The following HS3ST4 variants were observed in gnomAD, a reference collection of about 807,000 sequenced individuals.
HS3ST4 encodes heparan sulfate-glucosamine 3-sulfotransferase 4, also known as heparan sulfate glucosamine 3-O-sulfotransferase 4.
Under a neutral mutation model 29.2 loss-of-function variants are expected in HS3ST4, and 17 were observed. The ratio of observed to expected loss-of-function variants is 0.58; its 90% CI spans 0.40 to 0.87. HS3ST4 has a LOEUF of 0.87. Ranked by LOEUF, HS3ST4 falls within the 40% of genes least tolerant of loss-of-function variation. The pLI is 0.00. For synonymous variants in HS3ST4, 314 were observed against 285.7 expected (o/e 1.10, Z -1.00); for missense variants, 627 against 634.5 (o/e 0.99, Z 0.13).
intron 1 of HS3ST4, among the ~76,000 whole-genome samples, chr16:26,100,982 G>A (rs2141796570): frequency 6.6e-6 from 1 of 152,304 alleles, no homozygotes; most frequent in South Asian, 2.1e-4. Context: ...GTCTTCCCCA[G>A]CTCAGAAAAG....
At chr16:25,988,430 G>GC (rs1969083409) in intron 1 of HS3ST4, among the ~76,000 whole-genome samples, 2 of 152,186 alleles carry the variant, frequency 1.3e-5, no homozygotes, top group Admixed American at 1.3e-4. Context: ...CTTATTCTGA[G>GC]CCAGAGGCTT....
rs1471165992 is a variant in HS3ST4 at position 26,042,788 on chromosome 16, A to G, written c.735-92824A>G. ...TCTCCTTTTTACATTCCATTTTCACAATTTTCCTCAGGAATGACTCTTCTC... is the reference window on the plus strand; with the variant it reads ...TCTCCTTTTTACATTCCATTTTCACGATTTTCCTCAGGAATGACTCTTCTC... On this transcript the variant is annotated intron_variant, in intron 1 of 1. Transcript: ENST00000331351. Among the ~76,000 whole-genome samples the G allele has an allele frequency of 2.6e-5, 4 of 152,004 alleles. No homozygotes were observed. The East Asian group carries it at 5.8e-4, about 22-fold the overall frequency.
chr16:25,788,033 AACTT>A (rs2141618217), intron 1 of HS3ST4, among the ~76,000 whole-genome samples: 1 of 152,314 alleles, frequency 6.6e-6, no homozygotes, highest in South Asian at 2.1e-4. Context: ...ACAAAATCCC[AACTT>A]ACCACCTCAA....
intron 1 of HS3ST4, among the ~76,000 whole-genome samples, chr16:26,078,093 T>A (rs1898684562): frequency 6.6e-6 from 1 of 152,150 alleles, no homozygotes; most frequent in Admixed American, 6.5e-5. Flanking sequence ...ATGAACAGTG[T>A]CTGTGTCACT....
chr16:25,965,659 A>G (rs1263048815), intron 1 of HS3ST4, among the ~76,000 whole-genome samples: 1 of 152,196 alleles, frequency 6.6e-6, no homozygotes, highest in Non-Finnish European at 1.5e-5. Context: ...GTGTCTTCAC[A>G]CATCTTATGA....
intron 1 of HS3ST4, among the ~76,000 whole-genome samples, chr16:25,959,908 G>A (rs1968777677): frequency 6.6e-6 from 1 of 152,158 alleles, no homozygotes; most frequent in Non-Finnish European, 1.5e-5. Context: ...GCCGAGGTGT[G>A]TGGATCACCT....
At chr16:26,063,528 AAG>A (rs1898505937) in intron 1 of HS3ST4, among the ~76,000 whole-genome samples, 1 of 151,718 alleles carries the variant, frequency 6.6e-6, no homozygotes, top group African/African-American at 2.4e-5. Flanking sequence ...AAAAAAAAAA[AAG>A]AAAAAAACCA....
intron 1 of HS3ST4, among the ~76,000 whole-genome samples, chr16:26,131,292 G>A (rs1899415647): frequency 6.6e-6 from 1 of 152,162 alleles, no homozygotes; most frequent in African/African-American, 2.4e-5. Flanking sequence ...ATAAAATTAA[G>A]TGTAAATTTT....
At chr16:26,057,574 G>A (rs1241347046) in intron 1 of HS3ST4, among the ~76,000 whole-genome samples, 1 of 152,188 alleles carries the variant, frequency 6.6e-6, no homozygotes, top group East Asian at 1.9e-4. Flanking sequence ...CCAACATGGT[G>A]AAACTCCGTC....
intron 1 of HS3ST4, among the ~76,000 whole-genome samples, chr16:26,055,974 A>G (rs1898401484): frequency 6.6e-6 from 1 of 152,016 alleles, no homozygotes; most frequent in African/African-American, 2.4e-5. Context: ...GTATAAACAC[A>G]ACACCATACC....
chr16:25,873,611 CCCATCAATCTACCCACCCATCCATTCAT>C (rs1180879894), intron 1 of HS3ST4, among the ~76,000 whole-genome samples: 9 of 144,768 alleles, frequency 6.2e-5, no homozygotes, highest in Admixed American at 4.2e-4. Flanking sequence ...CATCCATCCA[CCCATCAATCTACCCACCCATCCATTCAT>C]CCATCCATCC....
At chr16:26,072,884 G>T (rs1039473474) in intron 1 of HS3ST4, among the ~76,000 whole-genome samples, 10 of 152,146 alleles carry the variant, frequency 6.6e-5, no homozygotes, top group African/African-American at 2.4e-4. Context: ...TGATTCTGAC[G>T]ACTTGTTCAT....
At chr16:26,087,295 T>A (rs894012301) in intron 1 of HS3ST4, among the ~76,000 whole-genome samples, 1 of 152,234 alleles carries the variant, frequency 6.6e-6, no homozygotes, top group East Asian at 1.9e-4. Context: ...ATTTCAATCA[T>A]CTGGACTTGG....
intron 1 of HS3ST4, among the ~76,000 whole-genome samples, chr16:25,931,319 C>A (rs1308409994): frequency 6.6e-6 from 1 of 152,212 alleles, no homozygotes; most frequent in Non-Finnish European, 1.5e-5. Context: ...GTTCTCTGTG[C>A]TTCCCCTCCC....
chr16:25,774,474 C>T (rs907512957), intron 1 of HS3ST4, among the ~76,000 whole-genome samples: 33 of 152,340 alleles, frequency 2.2e-4, no homozygotes, highest in Admixed American at 7.2e-4. Flanking sequence ...GAAGCAGTCT[C>T]TTCCCTTGCT....
intron 1 of HS3ST4, among the ~76,000 whole-genome samples, chr16:26,069,418 T>C (rs2141776103): frequency 6.6e-6 from 1 of 152,312 alleles, no homozygotes; most frequent in African/African-American, 2.4e-5. Context: ...CTTCTGAGAT[T>C]AGGCTTTCTT....
At chr16:26,007,410 G>A (rs1596642568) in intron 1 of HS3ST4, among the ~76,000 whole-genome samples, 1 of 152,146 alleles carries the variant, frequency 6.6e-6, no homozygotes, top group African/African-American at 2.4e-5. Context: ...TCAGGTCTTG[G>A]CTGCACCAGT....
chr16:25,837,096 A>G (rs774626766), intron 1 of HS3ST4, among the ~76,000 whole-genome samples: 12 of 152,182 alleles, frequency 7.9e-5, no homozygotes, highest in East Asian at 3.9e-4. Flanking sequence ...ATGATTTCCA[A>G]TGGAGTTAGG....
At chr16:25,740,747 T>C (rs1035983198) in intron 1 of HS3ST4, among the ~76,000 whole-genome samples, 1 of 152,202 alleles carries the variant, frequency 6.6e-6, no homozygotes, top group African/African-American at 2.4e-5. Context: ...ATAAGGAAAC[T>C]GAGGCTCAGC....
Sources: gnomAD v4.1 joint callset for allele counts (sites outside exome capture counted in the v4.1 genomes callset) on GRCh38, gnomAD v4.1.1 for gene constraint, MANE v1.5 for transcripts, NCBI Gene and HGNC (gene_info 2026-07-23, HGNC 2026-07-21) for gene names.